Variants in WBP1L observed in about 807,000 individuals in gnomAD.
WBP1L encodes WW domain binding protein 1-like.
A neutral mutation model predicts 33.7 loss-of-function variants in WBP1L; 17 were observed. The observed-to-expected ratio is 0.50, with a 90% CI of 0.34 to 0.76. The LOEUF (loss-of-function observed/expected upper bound fraction) is 0.76. Ranked by LOEUF, WBP1L falls within the 30% of genes least tolerant of loss-of-function variation. The probability of loss-of-function intolerance (pLI) is 0.01; values close to 1 mark genes in which losing one functional copy is unlikely to be tolerated. For synonymous variants in WBP1L, 173 were observed against 190.8 expected (o/e 0.91, Z 0.77); for missense variants, 389 against 469.4 (o/e 0.83, Z 1.58).
At chr10:102,761,795 C>T (rs569967482) in intron 1 of WBP1L, among the ~76,000 whole-genome samples, 1 of 151,906 alleles carries the variant, frequency 6.6e-6, no homozygotes, top group African/African-American at 2.4e-5. Context: ...GTGATCCACC[C>T]ACCTCGGCCT....
At chr10:102,791,091 C>T (rs926295399) in intron 1 of WBP1L, among the ~76,000 whole-genome samples, 1 of 152,164 alleles carries the variant, frequency 6.6e-6, no homozygotes, top group Non-Finnish European at 1.5e-5. Context: ...TGTTCTCCCC[C>T]TCTGAGGGCG....
chr10:102,777,999 G>A (rs919242488), intron 1 of WBP1L, among the ~76,000 whole-genome samples: 3 of 152,206 alleles, frequency 2.0e-5, no homozygotes, highest in African/African-American at 7.2e-5. Context: ...CTGCCTAACA[G>A]AGTGGAAAGA....
At chr10:102,787,668 C>T (rs1307278707) in intron 1 of WBP1L, among the ~76,000 whole-genome samples, 1 of 152,160 alleles carries the variant, frequency 6.6e-6, no homozygotes, top group Non-Finnish European at 1.5e-5. Context: ...CATCATCCCC[C>T]TTCTTGAGCT....
intron 1 of WBP1L, among the ~76,000 whole-genome samples, chr10:102,775,865 A>C (rs1162331319): frequency 3.3e-5 from 5 of 152,166 alleles, no homozygotes; most frequent in Non-Finnish European, 7.4e-5. Flanking sequence ...TAGGAGCTAC[A>C]AAGTCAGTCC....
chr10:102,764,890 G>A (rs7894154), intron 1 of WBP1L, among the ~76,000 whole-genome samples: 109,778 of 152,012 alleles, frequency 0.72, 39,917 homozygotes, highest in East Asian at 0.9. Flanking sequence ...CAACTTCCAG[G>A]TGTTGCTAAT....
intron 2 of WBP1L, among the ~76,000 whole-genome samples, chr10:102,806,772 G>A (rs1197868262): frequency 3.9e-5 from 6 of 152,178 alleles, no homozygotes; most frequent in Admixed American, 2.0e-4. Flanking sequence ...CCAGCCTGCC[G>A]GGGCTGGGGG....
chr10:102,787,580 C>G (rs1332036988), intron 1 of WBP1L, among the ~76,000 whole-genome samples: 1 of 151,752 alleles, frequency 6.6e-6, no homozygotes, highest in Non-Finnish European at 1.5e-5. Flanking sequence ...AGAGTGAGAC[C>G]CTGTTTCCAG....
rs184851260 is a variant in WBP1L at position 102,784,946 on chromosome 10, A to G, written c.91-13047A>G. 6.9e-3 allele frequency among the ~76,000 whole-genome samples: 1,033 copies of G among 149,114 alleles called. 7 individuals carry two copies. Among genetic ancestry groups the G allele is most frequent in the African/African-American group, 0.022 (902 of 40,320 alleles). On this transcript the variant is annotated intron_variant, in intron 1 of 3. Transcript: ENST00000448841. ...GGCTGGAGTGCAATGGCACGATCTC[A>G]GGTCACTGCAACCTCCGCCTCCAGG...
chr10:102,798,137 A>C (rs577004726), intron 2 of WBP1L, 42 bp downstream of exon 2: 18 of 1,550,986 alleles, frequency 1.2e-5, no homozygotes, highest in Non-Finnish European at 1.6e-5. Flanking sequence ...CCAGGGTCCC[A>C]GTTACTGCCT....
intron 1 of WBP1L, among the ~76,000 whole-genome samples, chr10:102,744,819 T>C (rs546081405): frequency 6.6e-6 from 1 of 152,320 alleles, no homozygotes; most frequent in South Asian, 2.1e-4. Flanking sequence ...GATGCTGATC[T>C]GAGCCAGCTC....
intron 1 of WBP1L, among the ~76,000 whole-genome samples, chr10:102,783,688 G>C (rs1190908998): frequency 6.6e-6 from 1 of 152,268 alleles, no homozygotes. Context: ...ACAGCTAGGG[G>C]AGTAGGAAGT....
At chr10:102,801,580 CT>C (rs1843657551) in intron 2 of WBP1L, among the ~76,000 whole-genome samples, 1 of 152,164 alleles carries the variant, frequency 6.6e-6, no homozygotes, top group Admixed American at 6.5e-5. Context: ...CCCAAAGCCA[CT>C]CCTCCCTGTT....
chr10:102,797,058 A>T (rs1472481040), intron 1 of WBP1L, among the ~76,000 whole-genome samples: 6 of 152,212 alleles, frequency 3.9e-5, no homozygotes, highest in Non-Finnish European at 7.3e-5. Context: ...TTCTTTTTCA[A>T]TAAGCAAAAA....
At chr10:102,772,282 A>C (rs1381746936) in intron 1 of WBP1L, among the ~76,000 whole-genome samples, 1 of 13,668 alleles carries the variant, frequency 7.3e-5, no homozygotes, top group Non-Finnish European at 1.5e-4. Flanking sequence ...TTTTTTTTTG[A>C]GACAGTCTCG....
chr10:102,812,514 C>CA lies in WBP1L; in HGVS notation c.356-78dup, dbSNP rs1167858214. ...TGCTCTGGGGTGGGAAGAGACAATG[C>CA]AAATATTCAGTGGGAGCTTTGCAGT... is the stretch of plus-strand genomic sequence containing the variant. On this transcript the variant is annotated intron_variant, in intron 3 of 3. Coordinates refer to ENST00000448841, the MANE Select transcript of WBP1L (RefSeq NM_001083913.2). 1.3e-4 allele frequency: 185 copies of CA among 1,462,490 alleles called. 1 individual carries two copies. In the African/African-American group the frequency reaches 2.1e-3, roughly 17 times the overall value. The allele number at this position is 1,462,490 out of a possible 1,614,324, so 90.6% of individuals were successfully genotyped here. A position where few individuals can be genotyped will look rare whatever the true frequency, so the allele number is the denominator to read the frequency against.
rs574575589 is a variant in WBP1L, at chr10:102,808,570, A to G, written c.194-1323A>G. 2.0e-5 allele frequency among the ~76,000 whole-genome samples: 3 copies of G among 152,340 alleles called. No homozygotes were observed. In the East Asian group the frequency reaches 5.8e-4, roughly 29 times the overall value. On this transcript the variant is annotated intron_variant, in intron 2 of 3. Transcript: ENST00000448841. ...TGCTAATGGCCCTGCATCTACTGCA[A>G]GGGCAGGCCAAAGGGAGGGAGAGTT...
chr10:102,801,130 A>G (rs781026245), intron 2 of WBP1L, among the ~76,000 whole-genome samples: 9 of 152,100 alleles, frequency 5.9e-5, no homozygotes, highest in Non-Finnish European at 1.3e-4. Context: ...CCTTTCCCAC[A>G]TGTCTTTTCA....
intron 3 of WBP1L, 121 bp from the exon 4 acceptor site, chr10:102,812,474 C>T: frequency 8.5e-7 from 1 of 1,171,830 alleles, no homozygotes; most frequent in Admixed American, 2.6e-5. Flanking sequence ...AGAGCTGTAG[C>T]CATCACTTGT....
intron 1 of WBP1L, among the ~76,000 whole-genome samples, chr10:102,795,773 C>A (rs998353900): frequency 1.3e-5 from 2 of 152,190 alleles, no homozygotes; most frequent in Admixed American, 1.3e-4. Context: ...GAATGGCATT[C>A]GCAGGGCCTG....
Sources: gnomAD v4.1 joint callset for allele counts (sites outside exome capture counted in the v4.1 genomes callset) on GRCh38, gnomAD v4.1.1 for gene constraint, MANE v1.5 for transcripts, NCBI Gene and HGNC (gene_info 2026-07-23, HGNC 2026-07-21) for gene names.